MEGF6: variants seen among roughly 807,000 people sequenced by gnomAD.
The protein encoded by MEGF6 is multiple epidermal growth factor-like domains protein 6.
A neutral mutation model predicts 207.1 loss-of-function variants in MEGF6; 184 were observed. The observed-to-expected ratio is 0.89, with a 90% CI of 0.79 to 1.00. MEGF6 has a LOEUF of 1.00. Among genes scored for constraint, MEGF6 ranks in the 50% least tolerant of loss-of-function variants. The probability of loss-of-function intolerance (pLI) is 0.00; values close to 1 mark genes in which losing one functional copy is unlikely to be tolerated. For missense variants in MEGF6, 2,282 were observed against 2,202.9 expected, an observed-to-expected ratio of 1.04 and a Z score of -0.72; for synonymous variants, 1,038 against 910.0, an observed-to-expected ratio of 1.14 and a Z score of -2.53.
intron 35 of MEGF6, 115 bp from the exon 36 acceptor site, chr1:3,491,074 A>G (rs1033965453): frequency 2.7e-6 from 2 of 738,266 alleles, no homozygotes; most frequent in African/African-American, 1.8e-5. Flanking sequence ...TCCCCCGCAC[A>G]GTCTCCTTCC....
intron 5 of MEGF6, among the ~76,000 whole-genome samples, chr1:3,518,187 G>C (rs1424337005): frequency 2.6e-5 from 4 of 152,214 alleles, no homozygotes; most frequent in Non-Finnish European, 5.9e-5. Context: ...GTCTCTGAGA[G>C]GGAAGAGGGT....
chr1:3,581,365 A>C (rs1399453453), intron 3 of MEGF6, among the ~76,000 whole-genome samples: 5 of 152,106 alleles, frequency 3.3e-5, no homozygotes, highest in African/African-American at 1.2e-4. Flanking sequence ...AGGCCCTACC[A>C]GCCTCTTCCC....
intron 4 of MEGF6, chr1:3,531,558 C>T (rs1642174396): frequency 2.1e-6 from 2 of 949,950 alleles, no homozygotes; most frequent in Non-Finnish European, 2.5e-6. Flanking sequence ...CCGCGCCGGC[C>T]CGCCCGCCCC....
intron 4 of MEGF6, among the ~76,000 whole-genome samples, chr1:3,530,346 C>T (rs982815105): frequency 5.9e-5 from 9 of 152,164 alleles, no homozygotes; most frequent in Admixed American, 3.3e-4. Flanking sequence ...CATTTCAGGG[C>T]CCCCCGCCAG....
In MEGF6 at chr1:3,565,137, AG is replaced by A. The variant is rs1643309910; in HGVS notation, c.481+14687del. Among the ~76,000 whole-genome samples the A allele has an allele frequency of 6.6e-6, 1 of 151,920 alleles. No individual in the cohort carries two copies. Among genetic ancestry groups the A allele is most frequent in the South Asian group, 2.1e-4 (1 of 4,798 alleles). The stretch of plus-strand genomic sequence containing the variant: ...GGTCCGGCGATGGACGCATGAATGA[AG>A]CCCCCTAGGTACCCCCTTCTTACCC... On this transcript the variant is annotated intron_variant, in intron 4 of 36. Coordinates refer to ENST00000356575, the MANE Select transcript of MEGF6 (RefSeq NM_001409.4). The surrounding 1 kb of genome is among the most constrained non-coding windows in gnomAD (Gnocchi z 4.8).
chr1:3,543,378 C>A (rs559392113), intron 4 of MEGF6, among the ~76,000 whole-genome samples: 3 of 152,230 alleles, frequency 2.0e-5, no homozygotes, highest in African/African-American at 7.2e-5. Context: ...TGCTCACTCT[C>A]GGCTGCCGGC....
chr1:3,492,969 G>T, intron 34 of MEGF6: 1 of 644,514 alleles, frequency 1.6e-6, no homozygotes, highest in Non-Finnish European at 2.6e-6. Context: ...GCTACATTCT[G>T]CAGCCAGTGA....
At chr1:3,504,673 C>T (rs1217660618) in intron 17 of MEGF6, among the ~76,000 whole-genome samples, 2 of 152,140 alleles carry the variant, frequency 1.3e-5, no homozygotes, top group African/African-American at 2.4e-5. Context: ...TAACAGCCTC[C>T]TCCCCTGCCT....
At chr1:3,624,240 CG>C in the MEGF6 span, 1 of 152,672 alleles carries the variant, frequency 6.5e-6, no homozygotes, top group Non-Finnish European at 1.5e-5. Flanking sequence ...ATTGCGGGTC[CG>C]TTCACCGCCC....
Position 3,560,637 on chromosome 1 carries a change from G to A in MEGF6, c.481+19188C>T, listed in dbSNP as rs867396721. On this transcript the variant is annotated intron_variant, in intron 4 of 36. Transcript: ENST00000356575. The surrounding 1 kb of genome is among the most constrained non-coding windows in gnomAD (Gnocchi z 4.0). ...AGGCAGGGAAAGGCTCTGGGGATCC[G>A]GGGTCCCTTCCCAGGCTTGGGGGAG... The A allele has an allele frequency of 3.2e-5, 14 of 432,724 alleles. No individual in the cohort carries two copies. In the East Asian group the frequency reaches 7.1e-4, roughly 22 times the overall value. 26.8% of individuals were successfully genotyped at this position (432,724 alleles called of 1,614,324 possible).
At position 3,556,345 on chromosome 1, in the gene MEGF6, C is replaced by T. The variant is rs1352361911; in HGVS notation, c.481+23480G>A. 6.6e-6 allele frequency among the ~76,000 whole-genome samples: 1 copy of T among 152,248 alleles called. No homozygotes were observed. Among genetic ancestry groups the T allele is most frequent in the African/African-American group, 2.4e-5 (1 of 41,462 alleles). On this transcript the variant is annotated intron_variant, in intron 4 of 36. Transcript: ENST00000356575. This position sits in a 1 kb window ranked among gnomAD's most constrained non-coding sequence, Gnocchi z 4.4. The stretch of plus-strand genomic sequence containing the variant: ...CACCCCCATGAGCTCCCAGAGGTGA[C>T]AACGTCACACTCATTACATGAAGTT...
intron 3 of MEGF6, among the ~76,000 whole-genome samples, chr1:3,589,972 A>T (rs947122419): frequency 1.3e-5 from 2 of 152,232 alleles, no homozygotes; most frequent in Admixed American, 6.5e-5. Flanking sequence ...GGAAGCGCTT[A>T]CTGGACCACA....
intron 4 of MEGF6, among the ~76,000 whole-genome samples, chr1:3,530,778 G>A (rs1354360588): frequency 1.3e-5 from 2 of 152,318 alleles, no homozygotes; most frequent in African/African-American, 4.8e-5. Context: ...CCAGTGCCAT[G>A]GGGAGCGGGG....
At position 3,501,189 on chromosome 1, in the gene MEGF6, G is replaced by A. The variant is rs779119057; in HGVS notation, c.2434C>T (p.Arg812Cys). The A allele has an allele frequency of 5.8e-5, 93 of 1,612,346 alleles. No homozygotes were observed. The highest frequency in any genetic ancestry group is 1.6e-4 in the East Asian group (7 of 44,862). The change falls in exon 19 of 37, where the codon CGC becomes TGC. Residue 812 changes from arginine (R) to cysteine (C), a missense_variant. Physicochemically the swap from Arg to Cys is radical, Grantham distance 180 (BLOSUM62 -3). Coordinates refer to ENST00000356575, the MANE Select transcript of MEGF6 (RefSeq NM_001409.4). ...CLCLPGFVGS[R>C]CQDVCPAGWY... ...CCAGCTCACTCACCGTCCTGGCAGC[G>A]GCTGCCGACGAAGCCAGGGAGGCAC...
rs569029916 is a variant in MEGF6, at chr1:3,611,097, C to T, written c.131+41G>A. 1.8e-4 allele frequency: 260 copies of T among 1,442,448 alleles called. No individual in the cohort carries two copies. In the African/African-American group the frequency reaches 3.4e-3, roughly 19 times the overall value. The allele number at this position is 1,442,448 out of a possible 1,614,324, so 89.4% of individuals were successfully genotyped here. On this transcript the variant is annotated intron_variant, in intron 1 of 36. Coordinates refer to ENST00000356575, the MANE Select transcript of MEGF6 (RefSeq NM_001409.4). ...ACGGGCCTCCAGAGGCCCCGGGGTC[C>T]CTGGACGACCGGCCGAGCCCTCCCA...
chr1:3,533,390 T>C lies in MEGF6; in HGVS notation c.482-9144A>G, dbSNP rs530871143. Among the ~76,000 whole-genome samples the C allele has an allele frequency of 8.7e-4, 132 of 152,334 alleles. 1 individual carries two copies. The highest frequency in any genetic ancestry group is 3.0e-3 in the African/African-American group (124 of 41,590). ...ATGAGGAGCCTCTAAATCGCACGGA[T>C]AGACAGGCTGACGGGCCTGTTTGAA... is the stretch of plus-strand genomic sequence containing the variant. On this transcript the variant is annotated intron_variant, in intron 4 of 36. Coordinates refer to ENST00000356575, the MANE Select transcript of MEGF6 (RefSeq NM_001409.4).
chr1:3,585,241 T>G (rs981198988), intron 3 of MEGF6, among the ~76,000 whole-genome samples: 13 of 148,330 alleles, frequency 8.8e-5, no homozygotes, highest in Non-Finnish European at 1.6e-4. Flanking sequence ...TGTGTGTGGG[T>G]GTGAGTGACA....
intron 9 of MEGF6, 88 bp downstream of exon 9, chr1:3,511,462 A>C: frequency 6.9e-7 from 1 of 1,451,216 alleles, no homozygotes; most frequent in Non-Finnish European, 9.2e-7. Flanking sequence ...GAGGACCTCC[A>C]AGTCATGGCA....
At chr1:3,504,971 G>C (rs1641046054) in intron 17 of MEGF6, among the ~76,000 whole-genome samples, 2 of 152,162 alleles carry the variant, frequency 1.3e-5, no homozygotes. Context: ...TGGGCAGACA[G>C]CAGCTGCTGC....
Sources: allele counts gnomAD v4.1 joint callset (sites outside exome capture counted in the v4.1 genomes callset), GRCh38; gene constraint gnomAD v4.1.1; non-coding constraint Gnocchi (gnomAD v3.1); transcripts MANE v1.5; gene names NCBI Gene and HGNC (gene_info 2026-07-23, HGNC 2026-07-21).